The following CFAP54 variants were observed in gnomAD, a reference collection of about 807,000 sequenced individuals.
The protein encoded by CFAP54 is cilia and flagella associated protein 54.
In CFAP54, 290 loss-of-function variants were observed where a neutral mutation model predicts 370.4. That is an observed-to-expected ratio of 0.78 (90% CI 0.71 to 0.86). The LOEUF is 0.86. Ranked by LOEUF, CFAP54 falls within the 40% of genes least tolerant of loss-of-function variation. CFAP54 has a pLI of 0.00. For synonymous variants in CFAP54, 1,206 were observed against 1,236.5 expected, an observed-to-expected ratio of 0.98 and a Z score of 0.52; for missense variants, 3,399 against 3,528.7, an observed-to-expected ratio of 0.96 and a Z score of 0.93.
chr12:96,541,962 C>T lies in CFAP54; in HGVS notation c.2077+975C>T, dbSNP rs543863505. ...CTCTTCTCCATTCAGGAGATGTCTT[C>T]TCTCAAAGGATGGCCTTCTGCTCTG... On this transcript the variant is annotated intron_variant, in intron 14 of 67. Coordinates refer to ENST00000524981, the MANE Select transcript of CFAP54 (RefSeq NM_001306084.2). Among the ~76,000 whole-genome samples, 11 of 151,948 alleles carry T rather than the reference C, an allele frequency of 7.2e-5. No individual in the cohort carries two copies. In the South Asian group the frequency reaches 2.3e-3, roughly 31 times the overall value.
chr12:96,786,877 CTT>C lies in CFAP54; in HGVS notation c.8659_8660del (p.Leu2887ThrfsTer2), dbSNP rs1161491060. Reference protein sequence around the residue: ...LENPPLSEKDLRESSAKLYRD... With the variant: ...LENPPLSEKDXRESSAKLYRD... ...AAAATCCCCCTCTTTCAGAAAAAGA[CTT>C]ACGTGAATCATCTGCCAAGGTAACG... On this transcript the variant is annotated frameshift_variant, in exon 62 of 68. Coordinates refer to ENST00000524981, the MANE Select transcript of CFAP54 (RefSeq NM_001306084.2). LOFTEE classifies it high-confidence loss of function. The C allele has an allele frequency of 1.3e-6, 2 of 1,533,172 alleles. No homozygotes were observed. Among genetic ancestry groups the C allele is most frequent in the African/African-American group, 1.4e-5 (1 of 72,856 alleles). 95.0% of individuals were successfully genotyped at this position (1,533,172 alleles called of 1,614,324 possible).
chr12:96,865,886 C>T (rs180959345), intron 67 of CFAP54, among the ~76,000 whole-genome samples: 1 of 151,986 alleles, frequency 6.6e-6, no homozygotes, highest in Admixed American at 6.5e-5. Context: ...ATACATATGC[C>T]CAATTTTAGA....
At chr12:96,562,895 G>A (rs961127376) in intron 17 of CFAP54, among the ~76,000 whole-genome samples, 3 of 152,070 alleles carry the variant, frequency 2.0e-5, no homozygotes, top group African/African-American at 7.2e-5. Flanking sequence ...ATATCTCTGT[G>A]TCATCATGTA....
intron 55 of CFAP54, among the ~76,000 whole-genome samples, chr12:96,745,971 G>T (rs10777811): frequency 2.0e-5 from 3 of 151,890 alleles, no homozygotes; most frequent in Non-Finnish European, 2.9e-5. Flanking sequence ...GTGGGAAAAC[G>T]GTGTATCAGC....
chr12:96,814,536 C>T (rs1193190334), intron 64 of CFAP54, among the ~76,000 whole-genome samples: 1 of 152,134 alleles, frequency 6.6e-6, no homozygotes, highest in Non-Finnish European at 1.5e-5. Flanking sequence ...TTGGAGATGA[C>T]CTATTGTTTT....
intron 26 of CFAP54, among the ~76,000 whole-genome samples, chr12:96,615,767 C>T (rs1194248349): frequency 6.6e-6 from 1 of 152,220 alleles, no homozygotes; most frequent in Non-Finnish European, 1.5e-5. Flanking sequence ...AAAAAATGCT[C>T]ATCATCACTG....
At chr12:96,578,488 C>T (rs1218959600) in intron 20 of CFAP54, among the ~76,000 whole-genome samples, 1 of 152,142 alleles carries the variant, frequency 6.6e-6, no homozygotes, top group East Asian at 1.9e-4. Context: ...TTTTTGTTTG[C>T]TTTTGTTCAA....
At chr12:96,497,040 T>TATTC (rs1199562050) in intron 1 of CFAP54, among the ~76,000 whole-genome samples, 2 of 152,214 alleles carry the variant, frequency 1.3e-5, no homozygotes, top group Non-Finnish European at 2.9e-5. Flanking sequence ...CCCAATCCTT[T>TATTC]ATTCATTCAT....
chr12:96,690,251 C>G (rs1957375019), intron 43 of CFAP54, among the ~76,000 whole-genome samples: 1 of 152,088 alleles, frequency 6.6e-6, no homozygotes, highest in Non-Finnish European at 1.5e-5. Context: ...GGTTTTAAAA[C>G]AAATTTGTGA....
rs1175627219 is a variant in CFAP54 at position 96,527,510 on chromosome 12, A to G, written c.1357+66A>G. The G allele has an allele frequency of 8.8e-6, 9 of 1,025,822 alleles. No homozygotes were observed. In the East Asian group the frequency reaches 1.6e-4, roughly 19 times the overall value. 63.5% of individuals were successfully genotyped at this position (1,025,822 alleles called of 1,614,324 possible). A position where few individuals can be genotyped will look rare whatever the true frequency, so the allele number is the denominator to read the frequency against. On this transcript the variant is annotated intron_variant, in intron 9 of 67. Transcript: ENST00000524981. ...ACACATGAGTAACAAAAATTTTAAC[A>G]TGGTAGTCCATACATAGGAAACTGA... is the stretch of plus-strand genomic sequence containing the variant.
intron 19 of CFAP54, among the ~76,000 whole-genome samples, chr12:96,567,407 T>C (rs1253480370): frequency 6.6e-6 from 1 of 152,090 alleles, no homozygotes; most frequent in African/African-American, 2.4e-5. Context: ...CCTGGGAGTA[T>C]TAGGGAAGAG....
chr12:96,582,378 G>A (rs781315117), intron 22 of CFAP54, among the ~76,000 whole-genome samples: 6 of 152,078 alleles, frequency 3.9e-5, no homozygotes, highest in Non-Finnish European at 8.8e-5. Context: ...CTGTAGAGCT[G>A]ATGGCTTTTC....
chr12:96,841,298 A>G (rs1959213135), intron 66 of CFAP54, among the ~76,000 whole-genome samples: 2 of 152,228 alleles, frequency 1.3e-5, no homozygotes, highest in African/African-American at 4.8e-5. Context: ...GGTGAGAGAC[A>G]GGGGAATCAT....
intron 67 of CFAP54, among the ~76,000 whole-genome samples, chr12:96,863,527 G>A (rs913883427): frequency 6.6e-6 from 1 of 152,184 alleles, no homozygotes; most frequent in Non-Finnish European, 1.5e-5. Flanking sequence ...GCTCTTCATC[G>A]CTAAGCTGGC....
Position 96,505,452 on chromosome 12 carries a change from G to A in CFAP54, c.567+1423G>A, listed in dbSNP as rs556901446. 5.3e-5 allele frequency among the ~76,000 whole-genome samples: 8 copies of A among 151,310 alleles called. No individual in the cohort carries two copies. In the South Asian group the frequency reaches 1.5e-3, roughly 28 times the overall value. ...AAGTCCAAATTCCTTGGAATACATGGAATGCTCTCTCTCTTTTTCTGAGCC... is the reference window on the plus strand; with the variant it reads ...AAGTCCAAATTCCTTGGAATACATGAAATGCTCTCTCTCTTTTTCTGAGCC... On this transcript the variant is annotated intron_variant, in intron 3 of 67. Coordinates refer to ENST00000524981, the MANE Select transcript of CFAP54 (RefSeq NM_001306084.2).
intron 19 of CFAP54, among the ~76,000 whole-genome samples, chr12:96,568,592 G>A (rs1458014213): frequency 6.6e-6 from 1 of 151,984 alleles, no homozygotes; most frequent in African/African-American, 2.4e-5. Flanking sequence ...TATTTCCCTT[G>A]GCAATCATTC....
At chr12:96,782,260 AT>A (rs1380335699) in intron 60 of CFAP54, among the ~76,000 whole-genome samples, 2 of 152,112 alleles carry the variant, frequency 1.3e-5, no homozygotes, top group Non-Finnish European at 2.9e-5. Context: ...TCCCTTTAAA[AT>A]CAAGAGTAAG....
intron 44 of CFAP54, among the ~76,000 whole-genome samples, chr12:96,693,306 A>T (rs933986028): frequency 2.0e-5 from 3 of 152,228 alleles, no homozygotes; most frequent in Non-Finnish European, 4.4e-5. Flanking sequence ...CCAGTTAGGG[A>T]GCAGAGATTG....
intron 49 of CFAP54, 85 bp downstream of exon 49, chr12:96,718,607 T>C (rs1957712883): frequency 2.6e-6 from 2 of 771,732 alleles, no homozygotes; most frequent in Non-Finnish European, 4.3e-6. Flanking sequence ...TTCAGAGTTA[T>C]GCTTGCTCTT....
Sources: gnomAD v4.1 joint callset for allele counts (sites outside exome capture counted in the v4.1 genomes callset) on GRCh38, gnomAD v4.1.1 for gene constraint, MANE v1.5 for transcripts, NCBI Gene and HGNC (gene_info 2026-07-23, HGNC 2026-07-21) for gene names.